NRCAM: variants seen among roughly 807,000 people sequenced by gnomAD.
NRCAM encodes the protein NgCAM-related cell adhesion molecule.
A neutral mutation model predicts 156.5 loss-of-function variants in NRCAM; 83 were observed. The ratio of observed to expected loss-of-function variants is 0.53; its 90% confidence interval spans 0.44 to 0.64. The LOEUF (loss-of-function observed/expected upper bound fraction) is 0.64. NRCAM is among the 30% of genes least tolerant of loss of function. NRCAM has a pLI of 0.00. For synonymous variants in NRCAM, 538 were observed against 563.9 expected, an observed-to-expected ratio of 0.95 and a Z score of 0.65; for missense variants, 1,417 against 1,597.3, an observed-to-expected ratio of 0.89 and a Z score of 1.92.
chr7:108,250,310 C>T (rs2096253706), intron 3 of NRCAM, among the ~76,000 whole-genome samples: 1 of 150,442 alleles, frequency 6.6e-6, no homozygotes, highest in African/African-American at 2.4e-5. Flanking sequence ...CCTGTAGTCC[C>T]AACTACGCAG....
chr7:108,442,277 T>G lies in NRCAM; in HGVS notation c.-332+13966A>C, dbSNP rs576000004. Among the ~76,000 whole-genome samples, 12 of 152,276 alleles carry G rather than the reference T, an allele frequency of 7.9e-5. No homozygotes were observed. The South Asian group carries it at 1.2e-3, about 16-fold the overall frequency. ...GCTGCCACGAGTCATCCATTCCAAG[T>G]AATTGATACTCTGCCATTCTGTGAT... On this transcript the variant is annotated intron_variant, in intron 1 of 32. Coordinates refer to ENST00000379028, the MANE Select transcript of NRCAM (RefSeq NM_001037132.4).
chr7:108,392,573 G>A (rs972976197), intron 2 of NRCAM, among the ~76,000 whole-genome samples: 21 of 152,130 alleles, frequency 1.4e-4, no homozygotes, highest in African/African-American at 4.6e-4. Flanking sequence ...CTCTCAACTC[G>A]TCAAAGTCAT....
intron 3 of NRCAM, among the ~76,000 whole-genome samples, chr7:108,241,771 A>C (rs2095544405): frequency 6.6e-6 from 1 of 152,166 alleles, no homozygotes; most frequent in African/African-American, 2.4e-5. Flanking sequence ...TGATCTACCC[A>C]AGGCTGTATT....
At chr7:108,444,426 T>C (rs1842226519) in intron 1 of NRCAM, among the ~76,000 whole-genome samples, 1 of 152,150 alleles carries the variant, frequency 6.6e-6, no homozygotes, top group African/African-American at 2.4e-5. Context: ...TTGTATTCTG[T>C]ATTAGTTTGC....
intron 1 of NRCAM, among the ~76,000 whole-genome samples, chr7:108,427,744 C>A (rs1343419176): frequency 2.6e-5 from 4 of 152,154 alleles, no homozygotes; most frequent in Non-Finnish European, 5.9e-5. Context: ...CTTGCCAATT[C>A]TTTGTCTAGA....
intron 17 of NRCAM, among the ~76,000 whole-genome samples, chr7:108,192,630 C>G (rs1316475080): frequency 6.6e-6 from 1 of 152,086 alleles, no homozygotes; most frequent in East Asian, 1.9e-4. Context: ...ATTAGCCTTA[C>G]TAAAGGGCTT....
In NRCAM at chr7:108,234,606, T is replaced by A. The variant is rs1374939895; in HGVS notation, c.207A>T (p.Glu69Asp). 6.2e-7 allele frequency: 1 copy of A among 1,612,192 alleles called. No homozygotes were observed. The highest frequency in any genetic ancestry group is 8.5e-7 in the Non-Finnish European group (1 of 1,178,518). ...ACCTTGGGGGCGGTTTCCCTTTGGC[T>A]TCACACTGGATTACAATATTCTCCC... is the stretch of plus-strand genomic sequence containing the variant. ...DPRENIVIQC[E>D]AKGKPPPSFS... The change falls in exon 6 of 33, where the codon GAA becomes GAT. Residue 69 changes from glutamate to aspartate, a missense_variant. Transcript: ENST00000379028.
intron 1 of NRCAM, among the ~76,000 whole-genome samples, chr7:108,416,966 AAC>A (rs1473073594): frequency 1.3e-5 from 2 of 152,208 alleles, no homozygotes; most frequent in African/African-American, 4.8e-5. Flanking sequence ...GGACATTACA[AAC>A]ACATATTCTC....
intron 3 of NRCAM, among the ~76,000 whole-genome samples, chr7:108,268,623 GGTGGGGGGGGGTT>G (rs2097199057): frequency 1.8e-5 from 2 of 109,438 alleles, no homozygotes; most frequent in Admixed American, 8.8e-5. Context: ...CGGGGGTGGG[GGTGGGGGGGGGTT>G]GGGGGGGGCG....
intron 2 of NRCAM, among the ~76,000 whole-genome samples, chr7:108,348,161 G>C (rs2099383553): frequency 1.3e-5 from 2 of 152,180 alleles, no homozygotes; most frequent in African/African-American, 4.8e-5. Flanking sequence ...TCCTTTGCTG[G>C]GCAGGGAATA....
chr7:108,177,524 G>A (rs538137665), intron 26 of NRCAM, among the ~76,000 whole-genome samples: 1 of 152,160 alleles, frequency 6.6e-6, no homozygotes, highest in African/African-American at 2.4e-5. Flanking sequence ...TCGGGAGGCT[G>A]ACGGAGGAGA....
intron 2 of NRCAM, among the ~76,000 whole-genome samples, chr7:108,314,443 T>C (rs1369469153): frequency 6.6e-6 from 1 of 152,176 alleles, no homozygotes; most frequent in African/African-American, 2.4e-5. Flanking sequence ...ACTTACCCTA[T>C]TAAATAAAAT....
intron 12 of NRCAM, 128 bp downstream of exon 12, chr7:108,209,293 A>G: frequency 1.6e-6 from 1 of 629,260 alleles, no homozygotes. Flanking sequence ...ATGAGAAGAG[A>G]GTCAAGGTAC....
chr7:108,181,208 T>C (rs1393442329), intron 24 of NRCAM, among the ~76,000 whole-genome samples: 4 of 146,138 alleles, frequency 2.7e-5, no homozygotes, highest in African/African-American at 9.9e-5. Flanking sequence ...AAAAAAAAAG[T>C]TGAATGTGAT....
At chr7:108,225,117 T>A (rs746091509) in intron 10 of NRCAM, among the ~76,000 whole-genome samples, 3 of 152,200 alleles carry the variant, frequency 2.0e-5, no homozygotes, top group Admixed American at 6.6e-5. Context: ...ATTACTTCCA[T>A]TGAAGACAGT....
chr7:108,237,847 G>C (rs1002919415), intron 4 of NRCAM, 78 bp from the exon 5 acceptor site: 6 of 1,058,884 alleles, frequency 5.7e-6, no homozygotes, highest in African/African-American at 1.6e-5. Flanking sequence ...AAGAACGTTA[G>C]AACTCTGAAG....
At chr7:108,447,873 G>T (rs938986852) in intron 1 of NRCAM, among the ~76,000 whole-genome samples, 2 of 152,180 alleles carry the variant, frequency 1.3e-5, no homozygotes, top group African/African-American at 2.4e-5. Flanking sequence ...GTGCTATGAA[G>T]TGGAGACTAT....
chr7:108,291,091 G>A (rs1283534524), intron 3 of NRCAM, among the ~76,000 whole-genome samples: 4 of 152,090 alleles, frequency 2.6e-5, no homozygotes, highest in South Asian at 2.1e-4. Flanking sequence ...TCACTCAGTC[G>A]TTGACAGATA....
intron 14 of NRCAM, among the ~76,000 whole-genome samples, chr7:108,196,376 A>C (rs1021551738): frequency 1.3e-5 from 2 of 152,248 alleles, no homozygotes; most frequent in Non-Finnish European, 2.9e-5. Flanking sequence ...CCAAAGAGAT[A>C]GTCAACAAAG....
Sources: gnomAD v4.1 joint callset for allele counts (sites outside exome capture counted in the v4.1 genomes callset) on GRCh38, gnomAD v4.1.1 for gene constraint, MANE v1.5 for transcripts, NCBI Gene and HGNC (gene_info 2026-07-23, HGNC 2026-07-21) for gene names.